Variants in SYT14 observed in about 807,000 individuals in gnomAD.
SYT14 encodes synaptotagmin-14.
In SYT14, 32 loss-of-function variants were observed where a neutral mutation model predicts 74.2. That is an observed-to-expected ratio of 0.43 (90% CI 0.33 to 0.58). SYT14 has a LOEUF of 0.58. Among genes scored for constraint, SYT14 ranks in the 20% least tolerant of loss-of-function variants. The pLI is 0.05. For missense variants in SYT14, 791 were observed against 981.8 expected (o/e 0.81, Z 2.60); for synonymous variants, 298 against 337.7 (o/e 0.88, Z 1.29).
chr1:209,953,751 T>C (rs1042013972), intron 2 of SYT14, among the ~76,000 whole-genome samples: 1 of 152,228 alleles, frequency 6.6e-6, no homozygotes, highest in Non-Finnish European at 1.5e-5. Flanking sequence ...CTGTGAGTCA[T>C]TGCATACAAT....
intron 2 of SYT14, among the ~76,000 whole-genome samples, chr1:209,989,435 A>G (rs1194662443): frequency 6.6e-6 from 1 of 152,192 alleles, no homozygotes; most frequent in Non-Finnish European, 1.5e-5. Flanking sequence ...AAAATTTATT[A>G]AGGTAGAGAA....
chr1:209,981,352 A>G (rs534632178), intron 2 of SYT14, among the ~76,000 whole-genome samples: 2 of 152,112 alleles, frequency 1.3e-5, no homozygotes, highest in South Asian at 4.1e-4. Flanking sequence ...GGTTGGAAAA[A>G]GATTTTATTT....
exon 10 of SYT14, chr1:210,167,270 A>G (rs1188978666): frequency 6.6e-6 from 1 of 152,204 alleles, no homozygotes; most frequent in African/African-American, 2.4e-5. Flanking sequence ...ATCATCATCT[A>G]AATGGCTTCA....
At chr1:210,044,100 C>G (rs2080844057) in intron 5 of SYT14, among the ~76,000 whole-genome samples, 1 of 152,130 alleles carries the variant, frequency 6.6e-6, no homozygotes, top group African/African-American at 2.4e-5. Context: ...GGCCTTATCT[C>G]CACTGCTGTA....
intron 5 of SYT14, among the ~76,000 whole-genome samples, chr1:210,083,436 AG>A (rs2081656253): frequency 6.6e-6 from 1 of 152,238 alleles, no homozygotes; most frequent in Non-Finnish European, 1.5e-5. Context: ...ATTTTATAAC[AG>A]GGTCATGCTC....
chr1:210,086,901 C>T lies in SYT14; in HGVS notation c.1313-7421C>T, dbSNP rs1344365314. Among the ~76,000 whole-genome samples, 3 of 152,132 alleles carry T rather than the reference C, an allele frequency of 2.0e-5. No individual in the cohort carries two copies. The East Asian group carries it at 5.8e-4, about 29-fold the overall frequency. ...TCATATTTGTAACTCCCTTTTCCAT[C>T]AGTAAGAAACCTGGCTGCCATTAAC... On this transcript the variant is annotated intron_variant, in intron 5 of 9. Transcript: ENST00000637265.
At chr1:210,163,145 G>A (rs1209702514) in exon 10 of SYT14, 6 of 453,402 alleles carry the variant, frequency 1.3e-5, no homozygotes, top group African/African-American at 1.0e-4. Context: ...AATAAAAAGA[G>A]TTATCAGTCT....
chr1:210,074,457 C>T (rs564195946), intron 5 of SYT14, among the ~76,000 whole-genome samples: 1 of 152,246 alleles, frequency 6.6e-6, no homozygotes, highest in South Asian at 2.1e-4. Context: ...ATTATATGAG[C>T]ATAAGGTATT....
At chr1:209,961,177 G>T (rs1384011603) in intron 2 of SYT14, among the ~76,000 whole-genome samples, 1 of 151,994 alleles carries the variant, frequency 6.6e-6, no homozygotes, top group Non-Finnish European at 1.5e-5. Context: ...TCCTTCTTTT[G>T]GTAGTGTTTC....
At position 210,100,225 on chromosome 1, in the gene SYT14, C is replaced by T. The variant is rs1396642876; in HGVS notation, c.1798C>T (p.Gln600Ter). 3.7e-6 allele frequency: 6 copies of T among 1,613,906 alleles called. No homozygotes were observed. The change falls in exon 7 of 10, where the codon CAG (glutamine) becomes TAG (stop). Residue 600 changes from glutamine to a stop codon, truncating the protein, a stop_gained. Transcript: ENST00000637265. LOFTEE classifies it high-confidence loss of function. ...CCTTGTTCTTCTACCTATAAAGAAA[C>T]AGAGAGCAAAAACCAGCATCCAGAG...
At chr1:210,099,314 T>G (rs2102542120) in intron 6 of SYT14, among the ~76,000 whole-genome samples, 1 of 152,310 alleles carries the variant, frequency 6.6e-6, no homozygotes, top group South Asian at 2.1e-4. Flanking sequence ...AAACTACCGT[T>G]ACAGCCTTTC....
At chr1:209,988,873 G>C (rs2079617015) in intron 2 of SYT14, among the ~76,000 whole-genome samples, 1 of 152,068 alleles carries the variant, frequency 6.6e-6, no homozygotes, top group Admixed American at 6.6e-5. Flanking sequence ...GAGTGACTCA[G>C]TGCAGGTGTC....
At chr1:209,946,058 T>C (rs777040785) in intron 1 of SYT14, among the ~76,000 whole-genome samples, 6 of 152,212 alleles carry the variant, frequency 3.9e-5, no homozygotes, top group Non-Finnish European at 8.8e-5. Flanking sequence ...TGTAATTGTT[T>C]TGGGCGCTAC....
intron 5 of SYT14, among the ~76,000 whole-genome samples, chr1:210,089,949 CCATTGGTTACTTG>C (rs2081830372): frequency 1.3e-5 from 2 of 152,182 alleles, no homozygotes; most frequent in South Asian, 2.1e-4. Context: ...TAGCGGTTTC[CCATTGGTTACTTG>C]GCTACATCCT....
intron 5 of SYT14, among the ~76,000 whole-genome samples, chr1:210,086,732 G>A (rs1572274621): frequency 6.6e-6 from 1 of 152,184 alleles, no homozygotes; most frequent in Non-Finnish European, 1.5e-5. Context: ...GAATATTTAT[G>A]TGTGGGTGTA....
intron 5 of SYT14, among the ~76,000 whole-genome samples, chr1:210,064,078 T>TC (rs1480088806): frequency 6.6e-6 from 1 of 151,990 alleles, no homozygotes; most frequent in Non-Finnish European, 1.5e-5. Flanking sequence ...ATTTAGTTTT[T>TC]CACTGTGGTA....
exon 3 of SYT14, chr1:210,013,739 C>T (rs540332386): frequency 9.9e-6 from 16 of 1,612,482 alleles, no homozygotes; most frequent in Admixed American, 1.7e-5. Context: ...AAAATGTTGG[C>T]GGGTTTCCAG....
intron 5 of SYT14, among the ~76,000 whole-genome samples, chr1:210,083,277 C>T (rs1461761640): frequency 4.6e-5 from 7 of 152,088 alleles, no homozygotes; most frequent in African/African-American, 1.2e-4. Flanking sequence ...AGGCGTGAGC[C>T]GCCATGCCCA....
intron 5 of SYT14, among the ~76,000 whole-genome samples, chr1:210,091,359 G>A (rs1572282807): frequency 6.6e-6 from 1 of 152,062 alleles, no homozygotes; most frequent in African/African-American, 2.4e-5. Flanking sequence ...TTATATTGAG[G>A]AAAAATATAA....
Sources: gnomAD v4.1 joint callset for allele counts (sites outside exome capture counted in the v4.1 genomes callset) on GRCh38, gnomAD v4.1.1 for gene constraint, MANE v1.5 for transcripts, NCBI Gene and HGNC (gene_info 2026-07-23, HGNC 2026-07-21) for gene names.